STPG2: variants seen among roughly 807,000 people sequenced by gnomAD.
STPG2 encodes sperm tail PG-rich repeat containing 2, also known as sperm-tail PG-rich repeat-containing protein 2.
A neutral mutation model predicts 54.2 loss-of-function variants in STPG2; 56 were observed. The ratio of observed to expected loss-of-function variants is 1.03; its 90% CI spans 0.83 to 1.29. The LOEUF (loss-of-function observed/expected upper bound fraction) is 1.29. Ranked by LOEUF, STPG2 falls within the 50% of genes most tolerant of loss-of-function variation. The probability of loss-of-function intolerance (pLI) is 0.00; values close to 1 mark genes in which losing one functional copy is unlikely to be tolerated. For synonymous variants in STPG2, 200 were observed against 181.8 expected, an observed-to-expected ratio of 1.10 and a Z score of -0.81; for missense variants, 596 against 544.9, an observed-to-expected ratio of 1.09 and a Z score of -0.93.
At chr4:98,021,691 C>T (rs1261935313) in intron 5 of STPG2, among the ~76,000 whole-genome samples, 2 of 151,802 alleles carry the variant, frequency 1.3e-5, no homozygotes, top group Admixed American at 1.3e-4. Context: ...CTTTATGAAT[C>T]TGGGTGCTCC....
intron 9 of STPG2, among the ~76,000 whole-genome samples, chr4:97,770,456 G>T (rs555413540): frequency 6.6e-6 from 1 of 152,140 alleles, no homozygotes; most frequent in African/African-American, 2.4e-5. Flanking sequence ...AATGAGCAGC[G>T]GAGAGAAAAG....
At chr4:97,789,290 C>T (rs1578565278) in intron 9 of STPG2, among the ~76,000 whole-genome samples, 1 of 151,942 alleles carries the variant, frequency 6.6e-6, no homozygotes, top group East Asian at 1.9e-4. Context: ...AACTAAAATA[C>T]TCATATATCA....
At chr4:97,693,305 T>A (rs894133237) in intron 10 of STPG2, among the ~76,000 whole-genome samples, 11 of 151,888 alleles carry the variant, frequency 7.2e-5, no homozygotes, top group African/African-American at 2.4e-4. Flanking sequence ...CTTGTGAGTA[T>A]AAGGACTCAC....
chr4:97,446,109 C>T (rs1214769178), intron 4 of STPG2, among the ~76,000 whole-genome samples: 3 of 152,110 alleles, frequency 2.0e-5, no homozygotes, highest in African/African-American at 7.2e-5. Context: ...AAAAAGTCTA[C>T]ATGCTAAAAT....
chr4:97,730,750 A>C (rs956291607), intron 9 of STPG2, among the ~76,000 whole-genome samples: 3 of 152,164 alleles, frequency 2.0e-5, no homozygotes, highest in Non-Finnish European at 4.4e-5. Flanking sequence ...GGATTGATTC[A>C]AAGAATCAGT....
intron 9 of STPG2, among the ~76,000 whole-genome samples, chr4:97,801,357 A>C (rs1369958038): frequency 1.3e-5 from 2 of 152,058 alleles, no homozygotes; most frequent in African/African-American, 4.8e-5. Flanking sequence ...TCATCCACCC[A>C]GCTTAAGAAA....
At chr4:97,490,864 G>T (rs538228047) in intron 4 of STPG2, among the ~76,000 whole-genome samples, 1 of 151,416 alleles carries the variant, frequency 6.6e-6, no homozygotes, top group South Asian at 2.1e-4. Context: ...CCAGTCATTG[G>T]CAAAAAGCAC....
intron 8 of STPG2, among the ~76,000 whole-genome samples, chr4:97,855,733 C>A (rs1430245387): frequency 1.3e-5 from 2 of 152,122 alleles, no homozygotes; most frequent in South Asian, 2.1e-4. Context: ...ATCATGAAAT[C>A]TTTGTCCATG....
At chr4:97,689,824 G>A (rs116130108) in intron 10 of STPG2, among the ~76,000 whole-genome samples, 1,538 of 152,012 alleles carry the variant, frequency 0.01, 27 homozygotes, top group African/African-American at 0.035. Flanking sequence ...AAATTAGAAA[G>A]ATAATTAAGA....
At chr4:97,687,029 C>T (rs1015147402) in intron 10 of STPG2, among the ~76,000 whole-genome samples, 1 of 151,514 alleles carries the variant, frequency 6.6e-6, no homozygotes, top group Non-Finnish European at 1.5e-5. Context: ...CAAGCTCCGC[C>T]TCCCGGGTTC....
At chr4:97,906,244 G>A (rs374590218) in intron 8 of STPG2, among the ~76,000 whole-genome samples, 15 of 152,252 alleles carry the variant, frequency 9.9e-5, no homozygotes, top group South Asian at 2.1e-4. Flanking sequence ...ACACCTCTAC[G>A]CAAATAAACT....
At chr4:98,023,458 C>T (rs1458865626) in intron 5 of STPG2, among the ~76,000 whole-genome samples, 1 of 152,188 alleles carries the variant, frequency 6.6e-6, no homozygotes, top group East Asian at 1.9e-4. Context: ...GGGGTGCCTC[C>T]CAGTTAGGCT....
At chr4:97,484,440 G>A (rs115808325) in intron 4 of STPG2, among the ~76,000 whole-genome samples, 7 of 151,510 alleles carry the variant, frequency 4.6e-5, no homozygotes, top group Non-Finnish European at 7.4e-5. Flanking sequence ...AAACTTTTAC[G>A]CACATCAAGT....
intron 9 of STPG2, among the ~76,000 whole-genome samples, chr4:97,731,130 T>A (rs577179990): frequency 3.5e-4 from 53 of 152,338 alleles, no homozygotes; most frequent in African/African-American, 1.2e-3. Flanking sequence ...AGAGGGCTAG[T>A]GTTCCTCTAT....
At position 97,698,737 on chromosome 4, in the gene STPG2, A is replaced by T. The variant is rs114140653; in HGVS notation, c.1320+13962T>A. Among the ~76,000 whole-genome samples the T allele has an allele frequency of 4.2e-3, 644 of 152,236 alleles. 2 individuals carry two copies. The highest frequency in any genetic ancestry group is 0.014 in the Middle Eastern group (4 of 294). ...ATGGCCTTCTGGAATACTTTGCCAGAGCCCGGCAAAGTATTGTCACCTAGT... is the reference window on the plus strand; with the variant it reads ...ATGGCCTTCTGGAATACTTTGCCAGTGCCCGGCAAAGTATTGTCACCTAGT... On this transcript the variant is annotated intron_variant, in intron 10 of 10. Coordinates refer to ENST00000295268, the MANE Select transcript of STPG2 (RefSeq NM_174952.3).
chr4:97,598,011 C>A (rs1733344846), intron 10 of STPG2, among the ~76,000 whole-genome samples: 1 of 151,462 alleles, frequency 6.6e-6, no homozygotes, highest in South Asian at 2.1e-4. Context: ...GCCCCTTGAT[C>A]TGATTTAAAA....
At chr4:97,484,314 C>G (rs1560628177) in intron 4 of STPG2, among the ~76,000 whole-genome samples, 1 of 151,588 alleles carries the variant, frequency 6.6e-6, no homozygotes, top group East Asian at 1.9e-4. Flanking sequence ...ATTGAAAGAT[C>G]ATTAGCAAGA....
At chr4:97,451,581 A>G (rs988840255) in intron 4 of STPG2, among the ~76,000 whole-genome samples, 1 of 152,200 alleles carries the variant, frequency 6.6e-6, no homozygotes, top group Non-Finnish European at 1.5e-5. Context: ...CTTGAGAAAG[A>G]GAGATAAATA....
At chr4:97,863,036 A>T (rs113872847) in intron 8 of STPG2, among the ~76,000 whole-genome samples, 2,776 of 152,216 alleles carry the variant, frequency 0.018, 73 homozygotes, top group African/African-American at 0.063. Context: ...AATTAAAAGA[A>T]CTAGAGAAGC....
Sources: gnomAD v4.1 joint callset for allele counts (sites outside exome capture counted in the v4.1 genomes callset) on GRCh38, gnomAD v4.1.1 for gene constraint, MANE v1.5 for transcripts, NCBI Gene and HGNC (gene_info 2026-07-23, HGNC 2026-07-21) for gene names.